NRG3: variants seen among roughly 807,000 people sequenced by gnomAD.
NRG3 encodes pro-neuregulin-3, membrane-bound isoform.
In NRG3, 31 loss-of-function variants were observed where a neutral mutation model predicts 66.9. That is an observed-to-expected ratio of 0.46 (90% CI 0.35 to 0.63). The LOEUF (loss-of-function observed/expected upper bound fraction) is 0.63, where lower values mean the gene tolerates loss of function less well. Among genes scored for constraint, NRG3 ranks in the 20% least tolerant of loss-of-function variants. The pLI is 0.00. For synonymous variants in NRG3, 393 were observed against 359.4 expected (o/e 1.09, Z -1.06); for missense variants, 910 against 878.9 (o/e 1.04, Z -0.45).
intron 2 of NRG3, among the ~76,000 whole-genome samples, chr10:82,388,727 T>C (rs1474535845): frequency 6.6e-6 from 1 of 152,162 alleles, no homozygotes. Context: ...TGAAAGTTTA[T>C]TTAAAGTGGA....
chr10:82,282,092 G>A (rs1294225318), intron 1 of NRG3, among the ~76,000 whole-genome samples: 1 of 152,002 alleles, frequency 6.6e-6, no homozygotes, highest in Non-Finnish European at 1.5e-5. Context: ...TAAATCAGGA[G>A]CAGGATAGTG....
In NRG3 at chr10:82,128,416, A is replaced by G. The variant is rs183616502; in HGVS notation, c.824-230323A>G. ...TTTTCAGCAGTTGCTGGAAAATGAC[A>G]TGTGCATCCCTTATATTAAAACTCT... On this transcript the variant is annotated intron_variant, in intron 1 of 8. Coordinates refer to ENST00000372141, the MANE Select transcript of NRG3 (RefSeq NM_001010848.4). Among the ~76,000 whole-genome samples, 69 of 152,174 alleles carry G rather than the reference A, an allele frequency of 4.5e-4. No individual in the cohort carries two copies. The East Asian group carries it at 0.013, about 28-fold the overall frequency.
At chr10:82,483,089 G>C (rs11194631) in intron 2 of NRG3, among the ~76,000 whole-genome samples, 1 of 152,066 alleles carries the variant, frequency 6.6e-6, no homozygotes, top group Non-Finnish European at 1.5e-5. Flanking sequence ...AGGGCAGATG[G>C]GCCCAAACAG....
At chr10:82,224,880 T>C (rs2076099983) in intron 1 of NRG3, among the ~76,000 whole-genome samples, 1 of 152,150 alleles carries the variant, frequency 6.6e-6, no homozygotes, top group African/African-American at 2.4e-5. Context: ...AAGCATTACC[T>C]TTAATGTAGA....
chr10:81,959,948 T>C (rs1017818579), intron 1 of NRG3, among the ~76,000 whole-genome samples: 3 of 152,324 alleles, frequency 2.0e-5, no homozygotes, highest in East Asian at 3.9e-4. Flanking sequence ...TTTTTACTTT[T>C]CTCACTAATT....
chr10:82,831,171 C>T (rs904509561), intron 3 of NRG3, among the ~76,000 whole-genome samples: 1 of 152,040 alleles, frequency 6.6e-6, no homozygotes, highest in African/African-American at 2.4e-5. Flanking sequence ...TTATCAGGGC[C>T]AGTGAGGCCA....
At chr10:82,668,628 G>A (rs562702161) in intron 2 of NRG3, among the ~76,000 whole-genome samples, 13 of 152,284 alleles carry the variant, frequency 8.5e-5, no homozygotes, top group African/African-American at 3.1e-4. Context: ...AGATCTGTAA[G>A]TTCATATTTA....
intron 1 of NRG3, among the ~76,000 whole-genome samples, chr10:81,948,938 G>T (rs930663278): frequency 6.6e-6 from 1 of 152,190 alleles, no homozygotes; most frequent in Non-Finnish European, 1.5e-5. Context: ...AGGGTAAAGG[G>T]ACATGGGGCA....
At chr10:82,188,792 A>T (rs192659383) in intron 1 of NRG3, among the ~76,000 whole-genome samples, 85 of 152,060 alleles carry the variant, frequency 5.6e-4, no homozygotes, top group South Asian at 4.6e-3. Context: ...GGGTAGCGGG[A>T]GGCTATGGGA....
At chr10:82,023,732 C>T (rs868407046) in intron 1 of NRG3, among the ~76,000 whole-genome samples, 10 of 151,714 alleles carry the variant, frequency 6.6e-5, no homozygotes, top group Non-Finnish European at 1.5e-4. Flanking sequence ...ATTTTTTTAA[C>T]GTGTTATTGA....
chr10:82,971,868 A>G (rs1024510887), intron 6 of NRG3, among the ~76,000 whole-genome samples: 2 of 152,188 alleles, frequency 1.3e-5, no homozygotes, highest in Non-Finnish European at 2.9e-5. Flanking sequence ...CATTTTATAC[A>G]TAATTATATT....
intron 1 of NRG3, among the ~76,000 whole-genome samples, chr10:82,274,194 C>T (rs576081830): frequency 1.3e-5 from 2 of 152,054 alleles, no homozygotes; most frequent in South Asian, 2.1e-4. Flanking sequence ...CTTCAAGAAT[C>T]ATAAAAAGAG....
intron 2 of NRG3, among the ~76,000 whole-genome samples, chr10:82,641,576 G>T (rs2050584121): frequency 6.6e-6 from 1 of 151,994 alleles, no homozygotes; most frequent in South Asian, 2.1e-4. Context: ...AGAAAAGTAG[G>T]GCCCATCAAG....
intron 1 of NRG3, among the ~76,000 whole-genome samples, chr10:82,043,951 A>G (rs918737256): frequency 4.6e-5 from 7 of 152,084 alleles, no homozygotes; most frequent in African/African-American, 1.4e-4. Flanking sequence ...TGTTATCTGT[A>G]TATACATTTA....
intron 1 of NRG3, among the ~76,000 whole-genome samples, chr10:82,168,749 C>A (rs543257811): frequency 1.3e-5 from 2 of 152,120 alleles, no homozygotes; most frequent in Admixed American, 1.3e-4. Context: ...TGTTTCTTAA[C>A]CAGATTCACA....
At chr10:82,836,584 T>A (rs995095295) in intron 3 of NRG3, among the ~76,000 whole-genome samples, 4 of 152,172 alleles carry the variant, frequency 2.6e-5, no homozygotes, top group Non-Finnish European at 4.4e-5. Context: ...TTCTTTTTTT[T>A]AATTATTTCT....
chr10:82,724,220 ACT>A (rs1017891040), intron 2 of NRG3, among the ~76,000 whole-genome samples: 9 of 145,010 alleles, frequency 6.2e-5, no homozygotes, highest in East Asian at 2.0e-4. Context: ...GGCCTATGCT[ACT>A]TTTTTTTTTT....
intron 2 of NRG3, among the ~76,000 whole-genome samples, chr10:82,664,200 G>A (rs921944094): frequency 6.6e-6 from 1 of 152,092 alleles, no homozygotes; most frequent in African/African-American, 2.4e-5. Context: ...ATTCAAACTT[G>A]GAGCTAATAA....
At chr10:82,584,481 G>T (rs1212330699) in intron 2 of NRG3, among the ~76,000 whole-genome samples, 1 of 152,134 alleles carries the variant, frequency 6.6e-6, no homozygotes, top group Non-Finnish European at 1.5e-5. Flanking sequence ...TCTTATCTAG[G>T]CAATAGATAT....
Sources: gnomAD v4.1 joint callset for allele counts (sites outside exome capture counted in the v4.1 genomes callset) on GRCh38, gnomAD v4.1.1 for gene constraint, MANE v1.5 for transcripts, NCBI Gene and HGNC (gene_info 2026-07-23, HGNC 2026-07-21) for gene names.